ZKSCAN1: variants seen among roughly 807,000 people sequenced by gnomAD.
ZKSCAN1 encodes the protein zinc finger with KRAB and SCAN domains 1.
ZKSCAN1 carries 14 observed loss-of-function variants against 51.6 expected under a neutral mutation model. The ratio of observed to expected loss-of-function variants is 0.27; its 90% CI spans 0.18 to 0.42. The LOEUF (loss-of-function observed/expected upper bound fraction) is 0.42, where lower values mean the gene tolerates loss of function less well. ZKSCAN1 is among the 10% of genes least tolerant of loss of function. The pLI is 1.00. For missense variants in ZKSCAN1, 531 were observed against 710.0 expected (o/e 0.75, Z 2.86); for synonymous variants, 263 against 261.5 (o/e 1.01, Z -0.06).
At chr7:100,031,477 CA>C (rs1791104105) in intron 5 of ZKSCAN1, among the ~76,000 whole-genome samples, 1 of 151,966 alleles carries the variant, frequency 6.6e-6, no homozygotes, top group Admixed American at 6.6e-5. Context: ...GAGGTTTCGC[CA>C]TGTTGCCTAG....
At chr7:100,030,435 G>T (rs1185745231) in intron 5 of ZKSCAN1, 60 bp downstream of exon 5, 2 of 1,564,358 alleles carry the variant, frequency 1.3e-6, no homozygotes, top group Admixed American at 1.9e-5. Flanking sequence ...TGTGTTAGCT[G>T]TGGGATCTCT....
Position 100,034,503 on chromosome 7 carries a change from C to T in ZKSCAN1, c.*306C>T. ...TTCAGTAATGAGGATACCTTTAAGGCACTCTTGGACTCTCGGCAACCACAA... is the reference window on the plus strand; with the variant it reads ...TTCAGTAATGAGGATACCTTTAAGGTACTCTTGGACTCTCGGCAACCACAA... On this transcript the variant is annotated 3_prime_UTR_variant, in exon 6 of 6. Coordinates refer to ENST00000324306, the MANE Select transcript of ZKSCAN1 (RefSeq NM_003439.4). The T allele has an allele frequency of 1.9e-6, 2 of 1,078,556 alleles. No individual in the cohort carries two copies. Among genetic ancestry groups the T allele is most frequent in the Non-Finnish European group, 2.2e-6 (2 of 889,128 alleles). 66.8% of individuals were successfully genotyped at this position (1,078,556 alleles called of 1,614,324 possible). A position where few individuals can be genotyped will look rare whatever the true frequency, so the allele number is the denominator to read the frequency against.
At chr7:100,020,918 T>A (rs888763752) in intron 1 of ZKSCAN1, among the ~76,000 whole-genome samples, 3 of 152,192 alleles carry the variant, frequency 2.0e-5, no homozygotes, top group African/African-American at 7.2e-5. Context: ...GTGTCAGTTC[T>A]GCTTAGTAAC....
chr7:100,021,116 CTTTTTTTTTTTT>C (rs60632908), intron 1 of ZKSCAN1, among the ~76,000 whole-genome samples: 2 of 85,292 alleles, frequency 2.3e-5, no homozygotes, highest in Non-Finnish European at 4.3e-5. Flanking sequence ...TTTTTTTTTC[CTTTTTTTTTTTT>C]TTTTTTTTTT....
intron 1 of ZKSCAN1, among the ~76,000 whole-genome samples, chr7:100,017,500 G>A (rs1182208834): frequency 6.6e-6 from 1 of 152,224 alleles, no homozygotes; most frequent in Non-Finnish European, 1.5e-5. Context: ...TGGGATTACG[G>A]GCGTGAGCCA....
rs764112440 is a variant in ZKSCAN1, at chr7:100,030,248, G to A, written c.673-1G>A. On this transcript the variant is annotated splice_acceptor_variant, in intron 4 of 5. Coordinates refer to ENST00000324306, the MANE Select transcript of ZKSCAN1 (RefSeq NM_003439.4). LOFTEE classifies it high-confidence loss of function. ...TGACTGTTTGTCTCGTGTTATTTTA[G>A]GCAATGGTGAAGATCGAGGACATGG... 8.1e-6 allele frequency: 13 copies of A among 1,613,680 alleles called. No individual in the cohort carries two copies. The highest frequency in any genetic ancestry group is 1.1e-5 in the Non-Finnish European group (13 of 1,179,710).
downstream of ZKSCAN1, among the ~76,000 whole-genome samples, chr7:100,042,546 A>G (rs1012721346): frequency 1.3e-5 from 2 of 152,080 alleles, no homozygotes; most frequent in Admixed American, 1.3e-4. Flanking sequence ...CAGTCCCTCA[A>G]GACTGCCCCC....
chr7:100,020,333 T>A (rs1790541382), intron 1 of ZKSCAN1, among the ~76,000 whole-genome samples: 1 of 151,924 alleles, frequency 6.6e-6, no homozygotes, highest in Non-Finnish European at 1.5e-5. Flanking sequence ...AGGGAAGGTT[T>A]ATGGGGGGAT....
chr7:100,035,372 T>A lies in ZKSCAN1; in HGVS notation c.*1175T>A, dbSNP rs1791311418. On this transcript the variant is annotated 3_prime_UTR_variant, in exon 6 of 6. Coordinates refer to ENST00000324306, the MANE Select transcript of ZKSCAN1 (RefSeq NM_003439.4). The stretch of plus-strand genomic sequence containing the variant: ...AATACCATGGAATGTCAGAAATGAC[T>A]TTATCATCGTCATCTTGAAGAAAAA... 1 of 152,234 alleles carries A rather than the reference T, an allele frequency of 6.6e-6. No homozygotes were observed. Among genetic ancestry groups the A allele is most frequent in the South Asian group, 2.1e-4 (1 of 4,838 alleles). 9.4% of individuals were successfully genotyped at this position (152,234 alleles called of 1,614,324 possible).
intron 3 of ZKSCAN1, among the ~76,000 whole-genome samples, chr7:100,025,930 A>G (rs1562821145): frequency 6.6e-6 from 1 of 152,108 alleles, no homozygotes; most frequent in African/African-American, 2.4e-5. Context: ...TACTGAAAAT[A>G]CAAAAATTGG....
At chr7:100,042,781 C>A (rs546532915), downstream of ZKSCAN1, among the ~76,000 whole-genome samples, 6 of 150,156 alleles carry the variant, frequency 4.0e-5, no homozygotes, top group Admixed American at 6.7e-5. Context: ...CACCACCACA[C>A]CCAGGTAATT....
chr7:100,029,762 G>A (rs1363975290), intron 3 of ZKSCAN1, 99 bp from the exon 4 acceptor site: 2 of 1,144,238 alleles, frequency 1.7e-6, no homozygotes, highest in Non-Finnish European at 2.5e-6. Context: ...ACACTGAACA[G>A]TGAACATGCT....
Position 100,037,217 on chromosome 7 carries a change from G to T in ZKSCAN1, c.*3020G>T, listed in dbSNP as rs894824125. On this transcript the variant is annotated 3_prime_UTR_variant, in exon 6 of 6. Transcript: ENST00000324306. ...CTTGGCCCGCTGAAGTCTGTTAACA[G>T]TTGAAACATTCTACAGTTAACCATT... 6 of 985,454 alleles carry T rather than the reference G, an allele frequency of 6.1e-6. No homozygotes were observed. In the East Asian group the frequency reaches 6.8e-4, roughly 112 times the overall value. 61.0% of individuals were successfully genotyped at this position (985,454 alleles called of 1,614,324 possible).
chr7:100,028,129 C>A (rs1239885783), intron 3 of ZKSCAN1, among the ~76,000 whole-genome samples: 1 of 151,846 alleles, frequency 6.6e-6, no homozygotes, highest in Admixed American at 6.6e-5. Flanking sequence ...CTGAGGTGGC[C>A]AGATCATAAG....
intron 3 of ZKSCAN1, 110 bp downstream of exon 3, chr7:100,024,417 G>T: frequency 2.2e-6 from 3 of 1,354,250 alleles, no homozygotes; most frequent in East Asian, 2.4e-5. Context: ...AACGTAGCGA[G>T]ACCCCATCTC....
At chr7:100,042,318 CAAAAAAAAAAA>C (rs34258466), downstream of ZKSCAN1, among the ~76,000 whole-genome samples, 1 of 43,674 alleles carries the variant, frequency 2.3e-5, no homozygotes, top group Non-Finnish European at 4.7e-5. Context: ...GACTTTGTCT[CAAAAAAAAAAA>C]AAAAAAAAAG....
chr7:100,024,125 A>G, intron 2 of ZKSCAN1, 29 bp from the exon 3 acceptor site: 1 of 1,586,182 alleles, frequency 6.3e-7, no homozygotes, highest in South Asian at 1.1e-5. Flanking sequence ...AAAGTGATTT[A>G]CCCACAAGCC....
rs747242695 is a variant in ZKSCAN1 at position 100,033,307 on chromosome 7, G to T, written c.802G>T (p.Gly268Cys). Residue 268 changes from glycine (G) to cysteine (C), a missense_variant and splice_region_variant, in exon 6 of 6, where the codon GGT (glycine) becomes TGT (cysteine). Around this residue, in one of 2 missense-constraint regions of ZKSCAN1, gnomAD observed 403 missense variants for 490.5 expected, o/e 0.82. Transcript: ENST00000324306. The surrounding 1 kb of genome is among the most constrained non-coding windows in gnomAD (Gnocchi z 4.1). Reference protein sequence around the residue: ...ENYGSAFPQGGENRNENEEST... With the variant: ...ENYGSAFPQGCENRNENEEST... Reference sequence around the variant, plus strand: ...GAATTTTCTATTTATTATGTCAGGTGGTGAAAACAGGAATGAGAACGAGGA... The same window carrying T: ...GAATTTTCTATTTATTATGTCAGGTTGTGAAAACAGGAATGAGAACGAGGA... 1 of 1,596,256 alleles carries T rather than the reference G, an allele frequency of 6.3e-7. No individual in the cohort carries two copies. Among genetic ancestry groups the T allele is most frequent in the Non-Finnish European group, 8.5e-7 (1 of 1,174,004 alleles).
At chr7:100,042,773 C>A (rs1017382816), downstream of ZKSCAN1, among the ~76,000 whole-genome samples, 9 of 147,680 alleles carry the variant, frequency 6.1e-5, no homozygotes, top group African/African-American at 2.5e-5. Flanking sequence ...TACGAATACA[C>A]CACCACACCC....
Sources: gnomAD v4.1 joint callset for allele counts (sites outside exome capture counted in the v4.1 genomes callset) on GRCh38, gnomAD v4.1.1 for gene constraint, gnomAD v4.1.1 regional missense constraint, Gnocchi (gnomAD v3.1) non-coding constraint, MANE v1.5 for transcripts, NCBI Gene and HGNC (gene_info 2026-07-23, HGNC 2026-07-21) for gene names.